CDH13: variants seen among roughly 807,000 people sequenced by gnomAD.
CDH13 encodes cadherin 13.
In CDH13, 24 loss-of-function variants were observed where a neutral mutation model predicts 63.8. The observed-to-expected ratio is 0.38, with a 90% CI of 0.27 to 0.53. The LOEUF (loss-of-function observed/expected upper bound fraction) is 0.53, where lower values mean the gene tolerates loss of function less well. CDH13 is among the 20% of genes least tolerant of loss of function. The pLI, the probability that CDH13 is intolerant of heterozygous loss-of-function variation, is 0.85. For synonymous variants in CDH13, 503 were observed against 355.3 expected (o/e 1.42, Z -4.67); for missense variants, 1,049 against 903.1 (o/e 1.16, Z -2.07).
At chr16:83,316,007 G>A (rs2090097270) in intron 5 of CDH13, among the ~76,000 whole-genome samples, 1 of 152,200 alleles carries the variant, frequency 6.6e-6, no homozygotes, top group African/African-American at 2.4e-5. Context: ...TTGACTCACA[G>A]TTCTGCAGGG....
chr16:82,977,675 C>G (rs1909709640), intron 2 of CDH13, among the ~76,000 whole-genome samples: 1 of 152,120 alleles, frequency 6.6e-6, no homozygotes, highest in South Asian at 2.1e-4. Context: ...TCAGGTATGT[C>G]TTTATTAGCA....
intron 6 of CDH13, among the ~76,000 whole-genome samples, chr16:83,448,309 C>G (rs999671524): frequency 6.6e-6 from 1 of 152,074 alleles, no homozygotes; most frequent in Non-Finnish European, 1.5e-5. Flanking sequence ...CATGCAGACA[C>G]CATCATGGTA....
chr16:83,662,750 G>C (rs1024293080), intron 8 of CDH13, among the ~76,000 whole-genome samples: 2 of 152,222 alleles, frequency 1.3e-5, no homozygotes, highest in African/African-American at 4.8e-5. Context: ...GATGAGATCA[G>C]TAGACATCTT....
intron 3 of CDH13, among the ~76,000 whole-genome samples, chr16:83,062,833 G>T (rs1197963555): frequency 6.6e-6 from 1 of 152,180 alleles, no homozygotes; most frequent in Non-Finnish European, 1.5e-5. Flanking sequence ...AACTTAGCTA[G>T]GCTGGAAAAT....
chr16:83,097,184 G>C (rs776900379), intron 3 of CDH13, among the ~76,000 whole-genome samples: 1 of 152,138 alleles, frequency 6.6e-6, no homozygotes, highest in African/African-American at 2.4e-5. Flanking sequence ...TTAAAAGGAA[G>C]CATTGAGTCT....
chr16:83,734,092 A>T (rs1911301944), intron 10 of CDH13, among the ~76,000 whole-genome samples: 1 of 152,230 alleles, frequency 6.6e-6, no homozygotes, highest in Non-Finnish European at 1.5e-5. Flanking sequence ...CCAAATCATG[A>T]ACCAAAAAAC....
At chr16:83,629,451 C>G (rs1365735171) in intron 8 of CDH13, among the ~76,000 whole-genome samples, 1 of 152,182 alleles carries the variant, frequency 6.6e-6, no homozygotes, top group African/African-American at 2.4e-5. Context: ...TTTAATGCTA[C>G]TATTATAGGA....
At chr16:83,366,799 T>C (rs1372301338) in intron 6 of CDH13, among the ~76,000 whole-genome samples, 2 of 152,186 alleles carry the variant, frequency 1.3e-5, no homozygotes, top group African/African-American at 4.8e-5. Flanking sequence ...CAGAAGGTCA[T>C]GGTGTGGTGG....
chr16:83,499,478 ACAT>A (rs2074221179), intron 7 of CDH13, among the ~76,000 whole-genome samples: 1 of 152,228 alleles, frequency 6.6e-6, no homozygotes, highest in South Asian at 2.1e-4. Context: ...TGCTAGAGAA[ACAT>A]CATTAGCTTG....
chr16:83,274,941 G>A (rs189232895), intron 5 of CDH13, among the ~76,000 whole-genome samples: 7 of 152,254 alleles, frequency 4.6e-5, no homozygotes, highest in Admixed American at 1.3e-4. Context: ...TCATCTCAGT[G>A]AGCCCTCCTC....
intron 6 of CDH13, among the ~76,000 whole-genome samples, chr16:83,363,361 A>T (rs2091199903): frequency 1.3e-5 from 2 of 152,226 alleles, no homozygotes; most frequent in African/African-American, 2.4e-5. Context: ...CACATATGTG[A>T]GTATGCATGT....
intron 1 of CDH13, among the ~76,000 whole-genome samples, chr16:82,643,076 A>G (rs1296510626): frequency 1.3e-5 from 2 of 152,330 alleles, no homozygotes; most frequent in Non-Finnish European, 1.5e-5. Context: ...AGTTACTGCT[A>G]ATGGGTATAG....
At chr16:83,215,374 C>T (rs1056328424) in intron 4 of CDH13, among the ~76,000 whole-genome samples, 1 of 151,898 alleles carries the variant, frequency 6.6e-6, no homozygotes, top group Non-Finnish European at 1.5e-5. Context: ...CCACCACGCC[C>T]GGCCCACATA....
intron 1 of CDH13, among the ~76,000 whole-genome samples, chr16:82,646,673 G>A (rs1567586803): frequency 6.6e-6 from 1 of 152,128 alleles, no homozygotes; most frequent in Non-Finnish European, 1.5e-5. Context: ...AAACCTATGA[G>A]GTGCATCTTG....
chr16:82,836,111 T>C (rs2038755733), intron 1 of CDH13, among the ~76,000 whole-genome samples: 1 of 152,130 alleles, frequency 6.6e-6, no homozygotes, highest in South Asian at 2.1e-4. Context: ...AGATGCTTCA[T>C]TTTGCATTTT....
rs1401002027 is a variant in CDH13 at position 83,799,850 on chromosome 16, G to A, written c.*4820G>A. On this transcript the variant is annotated 3_prime_UTR_variant, in exon 14 of 14. Transcript: ENST00000567109. ...GAAAAAATTCTGCAGTTGTGACCGTGTTCACATGAAAGCATATACAAGACA... is the reference window on the plus strand; with the variant it reads ...GAAAAAATTCTGCAGTTGTGACCGTATTCACATGAAAGCATATACAAGACA... 6.6e-6 allele frequency: 1 copy of A among 152,160 alleles called. No individual in the cohort carries two copies. Among genetic ancestry groups the A allele is most frequent in the Non-Finnish European group, 1.5e-5 (1 of 68,044 alleles). The allele number at this position is 152,160 out of a possible 1,614,324, so 9.4% of individuals were successfully genotyped here. A position where few individuals can be genotyped will look rare whatever the true frequency, so the allele number is the denominator to read the frequency against.
At chr16:83,276,368 G>A (rs150065241) in intron 5 of CDH13, among the ~76,000 whole-genome samples, 11 of 152,194 alleles carry the variant, frequency 7.2e-5, no homozygotes, top group African/African-American at 2.4e-4. Flanking sequence ...CTTCACCTGT[G>A]TCTTTGGTGT....
chr16:83,753,744 G>C (rs1375937681), intron 11 of CDH13, among the ~76,000 whole-genome samples: 2 of 152,050 alleles, frequency 1.3e-5, no homozygotes, highest in African/African-American at 4.8e-5. Flanking sequence ...GCCAAAACAT[G>C]TTGATAAAAT....
rs140787031 is a variant in CDH13, at chr16:83,709,755, A to T, written c.1538+31294A>T. 3.5e-3 allele frequency among the ~76,000 whole-genome samples: 530 copies of T among 152,352 alleles called. 4 individuals carry two copies. Among genetic ancestry groups the T allele is most frequent in the African/African-American group, 0.012 (506 of 41,590 alleles). ...CAGGAAGTAAACATTTTATTCATAGACTTTGTCATCCTGTGTAATAGGGTC... is the reference window on the plus strand; with the variant it reads ...CAGGAAGTAAACATTTTATTCATAGTCTTTGTCATCCTGTGTAATAGGGTC... On this transcript the variant is annotated intron_variant, in intron 10 of 13. Coordinates refer to ENST00000567109, the MANE Select transcript of CDH13 (RefSeq NM_001257.5).
Sources: allele counts gnomAD v4.1 joint callset (sites outside exome capture counted in the v4.1 genomes callset), GRCh38; gene constraint gnomAD v4.1.1; transcripts MANE v1.5; gene names NCBI Gene and HGNC (gene_info 2026-07-23, HGNC 2026-07-21).